Variants in TIMM44 observed in about 807,000 individuals in gnomAD.
The protein encoded by TIMM44 is translocase of inner mitochondrial membrane 44.
TIMM44 carries 37 observed loss-of-function variants against 63.8 expected under a neutral mutation model. The ratio of observed to expected loss-of-function variants is 0.58; its 90% confidence interval spans 0.45 to 0.76. TIMM44 has a LOEUF of 0.76. Among genes scored for constraint, TIMM44 ranks in the 30% least tolerant of loss-of-function variants. TIMM44 has a pLI of 0.00. For synonymous variants in TIMM44, 239 were observed against 245.1 expected (o/e 0.98, Z 0.23); for missense variants, 573 against 603.8 (o/e 0.95, Z 0.54).
chr19:7,932,481 GCAGGAGCC>G, intron 9 of TIMM44, 138 bp downstream of exon 9: 1 of 1,157,526 alleles, frequency 8.6e-7, no homozygotes, highest in Non-Finnish European at 1.2e-6. Context: ...CTGCAGCCGG[GCAGGAGCC>G]CGTGTGCAAC....
At chr19:7,937,093 C>G (rs773120541) in intron 3 of TIMM44, among the ~76,000 whole-genome samples, 2 of 151,786 alleles carry the variant, frequency 1.3e-5, no homozygotes, top group African/African-American at 2.4e-5. Context: ...TGGAGTAAGA[C>G]TCTGCTTCAA....
Position 7,938,207 on chromosome 19 carries a change from A to C in TIMM44, c.142-10T>G. 1 of 1,609,598 alleles carries C rather than the reference A, an allele frequency of 6.2e-7. No individual in the cohort carries two copies. Among genetic ancestry groups the C allele is most frequent in the Non-Finnish European group, 8.5e-7 (1 of 1,178,172 alleles). On this transcript the variant is annotated splice_polypyrimidine_tract_variant and intron_variant, in intron 2 of 12. Coordinates refer to ENST00000270538, the MANE Select transcript of TIMM44 (RefSeq NM_006351.4). Reference sequence around the variant, plus strand: ...AAGAATATGATTTGGACTAGAAAGAATGTACAAGAAAAAAAATTTAAAGAA... The same window carrying C: ...AAGAATATGATTTGGACTAGAAAGACTGTACAAGAAAAAAAATTTAAAGAA...
Position 7,927,248 on chromosome 19 carries a change from T to G in TIMM44, c.1298A>C (p.Asn433Thr). 6.2e-7 allele frequency: 1 copy of G among 1,612,358 alleles called. No individual in the cohort carries two copies. The highest frequency in any genetic ancestry group is 1.1e-5 in the South Asian group (1 of 91,050). The change falls in exon 13 of 13, where the codon AAC (asparagine) becomes ACC (threonine). Residue 433 changes from asparagine to threonine, a missense_variant. Coordinates refer to ENST00000270538, the MANE Select transcript of TIMM44 (RefSeq NM_006351.4). ...WALCRDQDEL[N>T]PYAAWRLLDI... ...CAGGAGCCGCCAGGCCGCGTAGGGG[T>G]TGAGCTCGTCCTGGTCTCGGCAGAG...
At chr19:7,935,218 TACA>T in intron 3 of TIMM44, 73 bp from the exon 4 acceptor site, 1 of 1,352,128 alleles carries the variant, frequency 7.4e-7, no homozygotes. Context: ...GAGGCTGGAG[TACA>T]GTGGCACGCT....
intron 3 of TIMM44, among the ~76,000 whole-genome samples, chr19:7,936,374 C>T (rs1474875435): frequency 6.6e-6 from 1 of 151,918 alleles, no homozygotes; most frequent in Admixed American, 6.6e-5. Context: ...TCGCTTGAAC[C>T]CAGGGAGGCG....
chr19:7,933,594 G>T lies in TIMM44; in HGVS notation c.684-24C>A, dbSNP rs374879364. 53 of 1,604,756 alleles carry T rather than the reference G, an allele frequency of 3.3e-5. No homozygotes were observed. The Admixed American group carries it at 8.7e-4, about 26-fold the overall frequency. On this transcript the variant is annotated intron_variant, in intron 6 of 12. Coordinates refer to ENST00000270538, the MANE Select transcript of TIMM44 (RefSeq NM_006351.4). The surrounding 1 kb of genome is among the most constrained non-coding windows in gnomAD (Gnocchi z 4.3). Reference sequence around the variant, plus strand: ...CCCTGGGGAAGAGGGTGGGCCCTGGGGTGAGCGGCGGCGCCAGGGCCACCC... The same window carrying T: ...CCCTGGGGAAGAGGGTGGGCCCTGGTGTGAGCGGCGGCGCCAGGGCCACCC...
rs768735112 is a variant in TIMM44 at position 7,934,607 on chromosome 19, G to A, written c.394-369C>T. On this transcript the variant is annotated intron_variant, in intron 4 of 12. Transcript: ENST00000270538. The surrounding 1 kb of genome is among the most constrained non-coding windows in gnomAD (Gnocchi z 5.3). The stretch of plus-strand genomic sequence containing the variant: ...TGGGCAGGAGTCCTCTGGAGACCCG[G>A]GAACTGCCTGGCAGCAAGGATTCCC... 1.8e-4 allele frequency among the ~76,000 whole-genome samples: 28 copies of A among 152,164 alleles called. No homozygotes were observed. The highest frequency in any genetic ancestry group is 3.2e-4 in the Non-Finnish European group (22 of 68,018).
rs1199575056 is a variant in TIMM44, at chr19:7,931,139, G to A, written c.1037C>T (p.Ala346Val). 64 of 1,613,328 alleles carry A rather than the reference G, an allele frequency of 4.0e-5. No homozygotes were observed. The highest frequency in any genetic ancestry group is 5.0e-5 in the Non-Finnish European group (59 of 1,179,636). Reference protein sequence around the residue: ...LDILKDWCYEATYSQLAHPIQ... With the variant: ...LDILKDWCYEVTYSQLAHPIQ... ...AAGAAAAAGAAAGGAAGTACTCACA[G>A]CTTCATAGCACCAGTCTTTGAGAAT... is the stretch of plus-strand genomic sequence containing the variant. Residue 346 changes from alanine to valine, a missense_variant and splice_region_variant, in exon 10 of 13, where the codon GCT becomes GTT. Coordinates refer to ENST00000270538, the MANE Select transcript of TIMM44 (RefSeq NM_006351.4).
chr19:7,941,222 G>C (rs761598840), intron 1 of TIMM44, 25 bp from the exon 2 acceptor site: 4 of 1,563,044 alleles, frequency 2.6e-6, no homozygotes, highest in East Asian at 2.2e-5. Flanking sequence ...AGAAGAGAAA[G>C]ATCCATTCTA....
intron 3 of TIMM44, among the ~76,000 whole-genome samples, chr19:7,935,677 G>A (rs1450549464): frequency 3.3e-5 from 5 of 152,166 alleles, no homozygotes; most frequent in African/African-American, 7.2e-5. Context: ...TCGGGTCCCC[G>A]CTTGGCAGCT....
chr19:7,943,572 T>C lies in TIMM44; in HGVS notation c.45+35A>G, dbSNP rs921569893. ...GGTGGCCGAAGGCCCAGAAGACCCC[T>C]AAGCTCGCCCTGCCAGCGCCGCACC... On this transcript the variant is annotated intron_variant, in intron 1 of 12. Transcript: ENST00000270538. The surrounding 1 kb of genome is among the most constrained non-coding windows in gnomAD (Gnocchi z 4.3). 3 of 1,562,664 alleles carry C rather than the reference T, an allele frequency of 1.9e-6. No individual in the cohort carries two copies. The highest frequency in any genetic ancestry group is 2.6e-6 in the Non-Finnish European group (3 of 1,160,298).
chr19:7,929,321 C>G (rs554603106), intron 10 of TIMM44, among the ~76,000 whole-genome samples: 1 of 152,304 alleles, frequency 6.6e-6, no homozygotes, highest in South Asian at 2.1e-4. Flanking sequence ...CAGCTGAGGC[C>G]TCATCAGGAC....
chr19:7,932,965 G>GC (rs1568295843), intron 7 of TIMM44, 33 bp from the exon 8 acceptor site: 9 of 1,582,152 alleles, frequency 5.7e-6, no homozygotes, highest in Non-Finnish European at 7.8e-6. Flanking sequence ...TGGAGAAGGG[G>GC]CCCCTTCCAG....
chr19:7,931,190 T>G lies in TIMM44; in HGVS notation c.988-2A>C. ...GTCAAGCTCTCCAGAAATCATGGCC[T>G]AAAAAGGAAGGGAAAATAAGCACCA... On this transcript the variant is annotated splice_acceptor_variant, in intron 9 of 12. Transcript: ENST00000270538. LOFTEE classifies it high-confidence loss of function. 1 of 1,613,280 alleles carries G rather than the reference T, an allele frequency of 6.2e-7. No homozygotes were observed. Among genetic ancestry groups the G allele is most frequent in the Non-Finnish European group, 8.5e-7 (1 of 1,179,690 alleles).
intron 10 of TIMM44, among the ~76,000 whole-genome samples, chr19:7,930,200 C>G (rs12975468): frequency 0.075 from 11,428 of 151,792 alleles, 446 homozygotes; most frequent in African/African-American, 0.097. Context: ...GAGTGCTGTG[C>G]TGCGATGACT....
intron 10 of TIMM44, 196 bp from the exon 11 acceptor site, chr19:7,928,362 G>A: frequency 1.7e-6 from 1 of 595,098 alleles, no homozygotes; most frequent in Non-Finnish European, 3.0e-6. Flanking sequence ...CCCACTCCTG[G>A]GAACAACACT....
At chr19:7,940,148 G>A (rs1390170551) in intron 2 of TIMM44, among the ~76,000 whole-genome samples, 6 of 150,904 alleles carry the variant, frequency 4.0e-5, no homozygotes, top group African/African-American at 1.2e-4. Flanking sequence ...TGGGAGGATC[G>A]CTTAAGCCCA....
chr19:7,930,439 G>A (rs990990593), intron 10 of TIMM44, among the ~76,000 whole-genome samples: 2 of 151,418 alleles, frequency 1.3e-5, no homozygotes, highest in Admixed American at 1.3e-4. Context: ...CTCCCCAGTA[G>A]CTGGGATTAC....
chr19:7,936,823 G>A (rs1984167710), intron 3 of TIMM44, among the ~76,000 whole-genome samples: 1 of 152,106 alleles, frequency 6.6e-6, no homozygotes, highest in South Asian at 2.1e-4. Context: ...ATATAGGGCT[G>A]GGCGCACTGG....
Sources: allele counts gnomAD v4.1 joint callset (sites outside exome capture counted in the v4.1 genomes callset), GRCh38; gene constraint gnomAD v4.1.1; non-coding constraint Gnocchi (gnomAD v3.1); transcripts MANE v1.5; gene names NCBI Gene and HGNC (gene_info 2026-07-23, HGNC 2026-07-21).